The following GALNT2 variants were observed in gnomAD, a reference collection of about 807,000 sequenced individuals.
The protein encoded by GALNT2 is UDP-GalNAc:polypeptide N-acetylgalactosaminyltransferase 2.
GALNT2 carries 31 observed loss-of-function variants against 81.4 expected under a neutral mutation model. The ratio of observed to expected loss-of-function variants is 0.38; its 90% confidence interval spans 0.29 to 0.51. GALNT2 has a LOEUF of 0.51. GALNT2 is among the 20% of genes least tolerant of loss of function. GALNT2 has a pLI of 0.87. For synonymous variants in GALNT2, 303 were observed against 287.4 expected (o/e 1.05, Z -0.55); for missense variants, 629 against 765.7 (o/e 0.82, Z 2.11).
At chr1:230,209,478 G>A (rs901166141) in intron 3 of GALNT2, among the ~76,000 whole-genome samples, 4 of 152,144 alleles carry the variant, frequency 2.6e-5, no homozygotes, top group African/African-American at 7.2e-5. Context: ...CCAGGAAGAG[G>A]CCTCACCAGG....
At chr1:230,152,762 A>T (rs1662131092) in intron 1 of GALNT2, among the ~76,000 whole-genome samples, 1 of 152,224 alleles carries the variant, frequency 6.6e-6, no homozygotes, top group South Asian at 2.1e-4. Context: ...GTCCACTCTC[A>T]GGTAGCTTCC....
rs1666279052 is a variant in GALNT2 at position 230,275,652 on chromosome 1, G to A, written c.1560+1088G>A. On this transcript the variant is annotated intron_variant, in intron 15 of 15. Coordinates refer to ENST00000366672, the MANE Select transcript of GALNT2 (RefSeq NM_004481.5). The surrounding 1 kb of genome is among the most constrained non-coding windows in gnomAD (Gnocchi z 5.5). Reference sequence around the variant, plus strand: ...ATATATACGCCACATAGATATACAAGCACAACATATATACATGCCACATGT... The same window carrying A: ...ATATATACGCCACATAGATATACAAACACAACATATATACATGCCACATGT... Among the ~76,000 whole-genome samples the A allele has an allele frequency of 1.4e-5, 2 of 146,058 alleles. No individual in the cohort carries two copies. The highest frequency in any genetic ancestry group is 2.2e-4 in the South Asian group (1 of 4,580).
rs2102741671 is a variant in GALNT2, at chr1:230,243,279, G to T, written c.608-27G>T. The T allele has an allele frequency of 6.3e-7, 1 of 1,582,136 alleles. No homozygotes were observed. Among genetic ancestry groups the T allele is most frequent in the East Asian group, 2.3e-5 (1 of 43,944 alleles). ...GCTGGCCCTGTGGCTTCTCTCTCCT[G>T]ACGTGCTTTCCAACTCGCCTCTGCA... On this transcript the variant is annotated intron_variant, in intron 6 of 15. Coordinates refer to ENST00000366672, the MANE Select transcript of GALNT2 (RefSeq NM_004481.5). This position sits in a 1 kb window ranked among gnomAD's most constrained non-coding sequence, Gnocchi z 4.2.
chr1:230,188,393 G>A (rs1232520446), intron 2 of GALNT2, among the ~76,000 whole-genome samples: 2 of 152,214 alleles, frequency 1.3e-5, no homozygotes, highest in Non-Finnish European at 2.9e-5. Context: ...TAACCTGGGA[G>A]CACGGGATCT....
At chr1:230,163,908 G>A (rs571432830) in intron 1 of GALNT2, among the ~76,000 whole-genome samples, 155 of 152,312 alleles carry the variant, frequency 1.0e-3, no homozygotes, top group South Asian at 3.9e-3. Flanking sequence ...GGGTCAGTCT[G>A]TCTGTCCCAG....
intron 3 of GALNT2, among the ~76,000 whole-genome samples, chr1:230,206,406 T>C (rs1206942783): frequency 6.6e-6 from 1 of 152,300 alleles, no homozygotes; most frequent in East Asian, 1.9e-4. Context: ...CATTTGCATG[T>C]GTTAAAGGGG....
intron 1 of GALNT2, among the ~76,000 whole-genome samples, chr1:230,143,630 G>A (rs545342546): frequency 3.3e-5 from 5 of 152,212 alleles, no homozygotes; most frequent in South Asian, 4.1e-4. Context: ...TTGGCTTTAC[G>A]CAGCATGTTG....
At chr1:230,099,731 C>T (rs1274555165) in intron 1 of GALNT2, among the ~76,000 whole-genome samples, 1 of 152,232 alleles carries the variant, frequency 6.6e-6, no homozygotes, top group Non-Finnish European at 1.5e-5. Flanking sequence ...GTGCTGCCCA[C>T]CAGGCATGCC....
chr1:230,193,311 C>T lies in GALNT2; in HGVS notation c.221-9826C>T, dbSNP rs1663585880. On this transcript the variant is annotated intron_variant, in intron 2 of 15. Coordinates refer to ENST00000366672, the MANE Select transcript of GALNT2 (RefSeq NM_004481.5). The surrounding 1 kb of genome is among the most constrained non-coding windows in gnomAD (Gnocchi z 4.3). Reference sequence around the variant, plus strand: ...GTTTCCTGCACAACGGGACCTGCATCCAGGAAGATACCTCCCCTCCCCTTG... The same window carrying T: ...GTTTCCTGCACAACGGGACCTGCATTCAGGAAGATACCTCCCCTCCCCTTG... Among the ~76,000 whole-genome samples the T allele has an allele frequency of 6.6e-6, 1 of 152,176 alleles. No individual in the cohort carries two copies. Among genetic ancestry groups the T allele is most frequent in the Admixed American group, 6.5e-5 (1 of 15,284 alleles).
intron 1 of GALNT2, among the ~76,000 whole-genome samples, chr1:230,060,042 A>T (rs1037786207): frequency 6.6e-6 from 1 of 152,150 alleles, no homozygotes; most frequent in Middle Eastern, 3.2e-3. Flanking sequence ...CATGTTCTCC[A>T]TAGTATTTTT....
chr1:230,160,934 G>A (rs184587675), intron 1 of GALNT2, among the ~76,000 whole-genome samples: 43 of 152,200 alleles, frequency 2.8e-4, no homozygotes, highest in African/African-American at 9.9e-4. Context: ...TGACTGAACT[G>A]CCCTTTCATG....
At chr1:230,191,070 C>T (rs1347716236) in intron 2 of GALNT2, among the ~76,000 whole-genome samples, 1 of 152,194 alleles carries the variant, frequency 6.6e-6, no homozygotes, top group Non-Finnish European at 1.5e-5. Context: ...TTCTCCTGTT[C>T]CAACAAGCAA....
chr1:230,157,563 A>G (rs1365647235), intron 1 of GALNT2, among the ~76,000 whole-genome samples: 3 of 152,204 alleles, frequency 2.0e-5, no homozygotes, highest in Admixed American at 1.3e-4. Context: ...AAAACTGGAA[A>G]CTACGTAACT....
chr1:230,235,799 G>A (rs1665008734), intron 3 of GALNT2, among the ~76,000 whole-genome samples: 1 of 151,996 alleles, frequency 6.6e-6, no homozygotes, highest in Non-Finnish European at 1.5e-5. Flanking sequence ...TGCCGAAATC[G>A]TTCATCTCTC....
At chr1:230,101,812 T>C (rs1047215997) in intron 1 of GALNT2, among the ~76,000 whole-genome samples, 1 of 152,220 alleles carries the variant, frequency 6.6e-6, no homozygotes, top group African/African-American at 2.4e-5. Context: ...TAAGATGGCC[T>C]CCTCCTCTGG....
At chr1:230,140,053 C>T (rs1373539948) in intron 1 of GALNT2, among the ~76,000 whole-genome samples, 1 of 152,228 alleles carries the variant, frequency 6.6e-6, no homozygotes, top group Non-Finnish European at 1.5e-5. Context: ...TCCAGGCTGC[C>T]GGGTCCCTGC....
At chr1:230,155,092 C>T (rs564288528) in intron 1 of GALNT2, among the ~76,000 whole-genome samples, 191 of 152,266 alleles carry the variant, frequency 1.3e-3, no homozygotes, top group African/African-American at 4.0e-3. Flanking sequence ...GAGGCTGCCC[C>T]GCGCCGCATG....
At chr1:230,155,426 T>C (rs1451511974) in intron 1 of GALNT2, among the ~76,000 whole-genome samples, 1 of 152,234 alleles carries the variant, frequency 6.6e-6, no homozygotes, top group Non-Finnish European at 1.5e-5. Context: ...CTGGCTGTCC[T>C]TGAACTGAAA....
At chr1:230,200,813 C>T (rs1188613872) in intron 2 of GALNT2, among the ~76,000 whole-genome samples, 1 of 152,208 alleles carries the variant, frequency 6.6e-6, no homozygotes, top group African/African-American at 2.4e-5. Flanking sequence ...GTGGTCTCTT[C>T]TCTGGCTGCG....
Sources: gnomAD v4.1 joint callset for allele counts (sites outside exome capture counted in the v4.1 genomes callset) on GRCh38, gnomAD v4.1.1 for gene constraint, Gnocchi (gnomAD v3.1) non-coding constraint, MANE v1.5 for transcripts, NCBI Gene and HGNC (gene_info 2026-07-23, HGNC 2026-07-21) for gene names.